Variants in SPART observed in about 807,000 individuals in gnomAD.
The protein encoded by SPART is spastic paraplegia 20 (Troyer syndrome).
A neutral mutation model predicts 58.7 loss-of-function variants in SPART; 35 were observed. The ratio of observed to expected loss-of-function variants is 0.60; its 90% CI spans 0.46 to 0.79. The LOEUF is 0.79. Among genes scored for constraint, SPART ranks in the 30% least tolerant of loss-of-function variants. The probability of loss-of-function intolerance (pLI) is 0.00; values close to 1 mark genes in which losing one functional copy is unlikely to be tolerated. For synonymous variants in SPART, 284 were observed against 280.7 expected, an observed-to-expected ratio of 1.01 and a Z score of -0.12; for missense variants, 730 against 786.1, an observed-to-expected ratio of 0.93 and a Z score of 0.85.
At chr13:36,334,022 G>A (rs955459243) in intron 2 of SPART, among the ~76,000 whole-genome samples, 1 of 152,168 alleles carries the variant, frequency 6.6e-6, no homozygotes, top group Non-Finnish European at 1.5e-5. Flanking sequence ...AGAATCAACA[G>A]GAGAGAATAC....
At chr13:36,339,488 AG>A (rs1342135174) in intron 1 of SPART, among the ~76,000 whole-genome samples, 7 of 151,726 alleles carry the variant, frequency 4.6e-5, no homozygotes, top group African/African-American at 1.7e-4. Context: ...AAAAATTTCC[AG>A]GGCATCATGG....
At chr13:36,304,921 A>G (rs781562658) in intron 8 of SPART, among the ~76,000 whole-genome samples, 4 of 152,226 alleles carry the variant, frequency 2.6e-5, no homozygotes, top group Non-Finnish European at 4.4e-5. Flanking sequence ...AAATTATAAT[A>G]CAGGTCATTA....
rs1250949195 is a variant in SPART, at chr13:36,302,579, A to ATGTTCCAT, written c.*1778_*1785dup. 1 of 152,176 alleles carries ATGTTCCAT rather than the reference A, an allele frequency of 6.6e-6. No homozygotes were observed. The highest frequency in any genetic ancestry group is 2.4e-5 in the African/African-American group (1 of 41,454). The allele number at this position is 152,176 out of a possible 1,614,324, so 9.4% of individuals were successfully genotyped here. A position where few individuals can be genotyped will look rare whatever the true frequency, so the allele number is the denominator to read the frequency against. ...GGTCAAAGCTAACTGTTTAAAGTTTATGTTCCATTATTTGCCATTCCATTT... is the reference window on the plus strand; with the variant it reads ...GGTCAAAGCTAACTGTTTAAAGTTTATGTTCCATTGTTCCATTATTTGCCATTCCATTT... On this transcript the variant is annotated 3_prime_UTR_variant, in exon 9 of 9. Coordinates refer to ENST00000438666, the MANE Select transcript of SPART (RefSeq NM_015087.5).
chr13:36,367,964 A>G (rs577235529), intron 1 of SPART, among the ~76,000 whole-genome samples: 2 of 152,184 alleles, frequency 1.3e-5, no homozygotes, highest in Non-Finnish European at 2.9e-5. Context: ...AAGTCACACA[A>G]TTTATTTGTG....
At chr13:36,324,359 G>C (rs1290750886) in intron 5 of SPART, among the ~76,000 whole-genome samples, 1 of 152,182 alleles carries the variant, frequency 6.6e-6, no homozygotes, top group African/African-American at 2.4e-5. Flanking sequence ...CACCATGCTA[G>C]GTGGAAGTCC....
chr13:36,328,469 G>A (rs778148914), intron 4 of SPART, among the ~76,000 whole-genome samples: 1 of 152,104 alleles, frequency 6.6e-6, no homozygotes, highest in Non-Finnish European at 1.5e-5. Context: ...TGTCCTGTAG[G>A]AGGGGGCTCC....
chr13:36,330,077 A>G (rs1342266124), intron 3 of SPART, among the ~76,000 whole-genome samples: 1 of 152,220 alleles, frequency 6.6e-6, no homozygotes, highest in Non-Finnish European at 1.5e-5. Context: ...CCAAAAAATT[A>G]AATTGAAGAC....
chr13:36,342,064 A>G (rs1884632952), intron 1 of SPART, among the ~76,000 whole-genome samples: 1 of 152,236 alleles, frequency 6.6e-6, no homozygotes, highest in African/African-American at 2.4e-5. Flanking sequence ...CACCAGCATC[A>G]TTAAATTTGT....
chr13:36,315,359 CT>C (rs1343299530), intron 5 of SPART, among the ~76,000 whole-genome samples: 1 of 152,126 alleles, frequency 6.6e-6, no homozygotes, highest in Non-Finnish European at 1.5e-5. Flanking sequence ...TAAAATATTT[CT>C]TTTTTGGCTA....
intron 1 of SPART, among the ~76,000 whole-genome samples, chr13:36,337,705 C>G (rs985377381): frequency 6.6e-6 from 1 of 152,138 alleles, no homozygotes; most frequent in Non-Finnish European, 1.5e-5. Flanking sequence ...CGGACTAATA[C>G]AGTAGCCATC....
intron 1 of SPART, among the ~76,000 whole-genome samples, chr13:36,361,794 T>C (rs2025649): frequency 0.81 from 123,090 of 152,226 alleles, 49,864 homozygotes; most frequent in East Asian, 0.88. Flanking sequence ...TTTTTAATTA[T>C]ACTACAACAT....
chr13:36,334,032 C>T (rs1202029413), intron 2 of SPART, among the ~76,000 whole-genome samples: 2 of 152,100 alleles, frequency 1.3e-5, no homozygotes, highest in Non-Finnish European at 2.9e-5. Context: ...GGAGAGAATA[C>T]CAAAAGAGAA....
chr13:36,314,103 C>T (rs1881417894), intron 6 of SPART, 124 bp downstream of exon 6: 2 of 982,700 alleles, frequency 2.0e-6, no homozygotes, highest in African/African-American at 1.6e-5. Flanking sequence ...CAAAGAGAAA[C>T]TGCTTTGTCC....
At chr13:36,324,899 G>C (rs964279335) in intron 5 of SPART, among the ~76,000 whole-genome samples, 1 of 152,132 alleles carries the variant, frequency 6.6e-6, no homozygotes, top group Admixed American at 6.5e-5. Context: ...GGTGCTCAGT[G>C]GGGGAGCTTT....
At chr13:36,336,133 T>A (rs1883986085) in intron 1 of SPART, among the ~76,000 whole-genome samples, 1 of 152,206 alleles carries the variant, frequency 6.6e-6, no homozygotes, top group Non-Finnish European at 1.5e-5. Flanking sequence ...TTATAATAGT[T>A]TCCTATCATA....
intron 4 of SPART, among the ~76,000 whole-genome samples, chr13:36,327,819 C>T (rs947076783): frequency 2.0e-5 from 3 of 152,090 alleles, no homozygotes; most frequent in East Asian, 1.9e-4. Context: ...GAAACTGAAA[C>T]CCCATCTCTA....
chr13:36,312,568 C>T, intron 6 of SPART, 91 bp from the exon 7 acceptor site: 1 of 1,313,644 alleles, frequency 7.6e-7, no homozygotes, highest in Non-Finnish European at 1.1e-6. Flanking sequence ...AAATGAACAT[C>T]TAAATTGTTT....
At chr13:36,364,261 T>C (rs958906513) in intron 1 of SPART, among the ~76,000 whole-genome samples, 10 of 152,214 alleles carry the variant, frequency 6.6e-5, no homozygotes, top group Non-Finnish European at 1.5e-4. Flanking sequence ...CCTGGCCTAC[T>C]TCTGGACACC....
At chr13:36,305,393 T>G (rs937770526) in intron 8 of SPART, among the ~76,000 whole-genome samples, 1 of 152,182 alleles carries the variant, frequency 6.6e-6, no homozygotes, top group East Asian at 1.9e-4. Context: ...CTATAGAACT[T>G]ATTAATTATC....
Sources: gnomAD v4.1 joint callset for allele counts (sites outside exome capture counted in the v4.1 genomes callset) on GRCh38, gnomAD v4.1.1 for gene constraint, MANE v1.5 for transcripts, NCBI Gene and HGNC (gene_info 2026-07-23, HGNC 2026-07-21) for gene names.